The following PSKH2 variants were observed in gnomAD, a reference collection of about 807,000 sequenced individuals.
The protein encoded by PSKH2 is protein serine kinase H2.
PSKH2 carries 16 observed loss-of-function variants against 22.5 expected under a neutral mutation model. The observed-to-expected ratio is 0.71, with a 90% confidence interval of 0.48 to 1.08. The LOEUF (loss-of-function observed/expected upper bound fraction) is 1.08. Ranked by LOEUF, PSKH2 falls within the 50% of genes least tolerant of loss-of-function variation. PSKH2 has a pLI of 0.00. For synonymous variants in PSKH2, 188 were observed against 184.8 expected, an observed-to-expected ratio of 1.02 and a Z score of -0.14; for missense variants, 516 against 492.8, an observed-to-expected ratio of 1.05 and a Z score of -0.44.
At position 86,047,481 on chromosome 8, in the gene PSKH2, T is replaced by A. The variant is rs894793362; in HGVS notation, c.*981A>T. The stretch of plus-strand genomic sequence containing the variant: ...AAATGTCATTCTAACATTTTATTAT[T>A]TTTCTGAATAAAATAAGCAATATCA... On this transcript the variant is annotated 3_prime_UTR_variant, in exon 3 of 3. Transcript: ENST00000276616. 6.6e-6 allele frequency among the ~76,000 whole-genome samples: 1 copy of A among 152,160 alleles called. No homozygotes were observed. Among genetic ancestry groups the A allele is most frequent in the Non-Finnish European group, 1.5e-5 (1 of 67,988 alleles).
rs1392267441 is a variant in PSKH2, at chr8:86,049,771, AAAGAAAGAAAAAGAAAGGAAG to A, written c.853-1025_853-1005del. The stretch of plus-strand genomic sequence containing the variant: ...GAAACGAAAGAAAGAAAGAAAGAGA[AAAGAAAGAAAAAGAAAGGAAG>A]AAAGGAAGAGAGAAAGAGGAAGAAA... On this transcript the variant is annotated intron_variant, in intron 2 of 2. Transcript: ENST00000276616. Among the ~76,000 whole-genome samples, 102 of 130,070 alleles carry A rather than the reference AAAGAAAGAAAAAGAAAGGAAG, an allele frequency of 7.8e-4. 5 individuals carry two copies. The highest frequency in any genetic ancestry group is 8.3e-3 in the Middle Eastern group (2 of 242). The allele number at this position is 130,070 out of a possible 152,430, so 85.3% of individuals were successfully genotyped here.
At chr8:86,064,821 T>C (rs7844072) in intron 1 of PSKH2, among the ~76,000 whole-genome samples, 190 bp from the exon 2 acceptor site, 3 of 152,126 alleles carry the variant, frequency 2.0e-5, no homozygotes, top group South Asian at 2.1e-4. Flanking sequence ...GAAAACGATA[T>C]AAAGGTAATT....
At chr8:86,065,791 A>C (rs1485408583) in intron 1 of PSKH2, among the ~76,000 whole-genome samples, 11 of 152,034 alleles carry the variant, frequency 7.2e-5, no homozygotes, top group Non-Finnish European at 1.5e-4. Flanking sequence ...TGAGCAAAAA[A>C]CTGAGACCCC....
chr8:86,063,919 C>T (rs1352928412), intron 2 of PSKH2, 46 bp downstream of exon 2: 1 of 1,463,346 alleles, frequency 6.8e-7, no homozygotes, highest in Admixed American at 2.0e-5. Flanking sequence ...GGTGGAGAAG[C>T]CCCACTCTAA....
At chr8:86,053,525 C>G (rs1257046026) in intron 2 of PSKH2, among the ~76,000 whole-genome samples, 1 of 152,142 alleles carries the variant, frequency 6.6e-6, no homozygotes, top group African/African-American at 2.4e-5. Flanking sequence ...GGTGCCTCTT[C>G]AAGGAGACAA....
chr8:86,062,794 G>C (rs1817798745), intron 2 of PSKH2, among the ~76,000 whole-genome samples: 2 of 152,162 alleles, frequency 1.3e-5, no homozygotes, highest in South Asian at 4.1e-4. Context: ...GACAGTTCTA[G>C]ATTCATATTT....
chr8:86,069,455 G>T lies in PSKH2; in HGVS notation c.168C>A (p.Asp56Glu), dbSNP rs764702590. 3 of 1,593,636 alleles carry T rather than the reference G, an allele frequency of 1.9e-6. No homozygotes were observed. The highest frequency in any genetic ancestry group is 4.5e-5 in the East Asian group (2 of 44,298). ...IQVARFRAKFDPRVLARYDIK... is the reference protein window; with the variant it reads ...IQVARFRAKFEPRVLARYDIK... ...CGCTTTACCTGGCAAGGACCCGGGGGTCGAACTTGGCTCGGAAGCGAGCCA... is the reference window on the plus strand; with the variant it reads ...CGCTTTACCTGGCAAGGACCCGGGGTTCGAACTTGGCTCGGAAGCGAGCCA... Residue 56 changes from aspartate to glutamate, a missense_variant, in exon 1 of 3, where the codon GAC becomes GAA. By Grantham distance (45) the Asp-to-Glu change is conservative. Coordinates refer to ENST00000276616, the MANE Select transcript of PSKH2 (RefSeq NM_033126.3).
chr8:86,069,352 A>T, intron 1 of PSKH2, 86 bp downstream of exon 1: 2 of 1,301,342 alleles, frequency 1.5e-6, no homozygotes, highest in South Asian at 1.6e-5. Flanking sequence ...AATTGAGTCA[A>T]GCTGAAGGGA....
chr8:86,062,060 T>G lies in PSKH2; in HGVS notation c.852+1905A>C, dbSNP rs1197132452. Among the ~76,000 whole-genome samples the G allele has an allele frequency of 2.0e-5, 3 of 152,232 alleles. No homozygotes were observed. In the East Asian group the frequency reaches 5.8e-4, roughly 29 times the overall value. On this transcript the variant is annotated intron_variant, in intron 2 of 2. Transcript: ENST00000276616. Reference sequence around the variant, plus strand: ...TCACCATACCAGGAGAAAAGCCCAGTAAACATGCTATTATATTTCCTCCTA... The same window carrying G: ...TCACCATACCAGGAGAAAAGCCCAGGAAACATGCTATTATATTTCCTCCTA...
intron 1 of PSKH2, among the ~76,000 whole-genome samples, chr8:86,068,362 C>G (rs2130175406): frequency 6.6e-6 from 1 of 152,292 alleles, no homozygotes; most frequent in East Asian, 1.9e-4. Flanking sequence ...CCGTGATTTA[C>G]TTGGTCAAAA....
chr8:86,048,382 G>A lies in PSKH2; in HGVS notation c.*80C>T, dbSNP rs902670201. On this transcript the variant is annotated 3_prime_UTR_variant, in exon 3 of 3. Transcript: ENST00000276616. ...GTATCCAACAATACCATGGAGTCCC[G>A]TGTCTTTGGAGCTTGAGGGTGCCCT... 1.4e-4 allele frequency: 144 copies of A among 1,010,972 alleles called. No individual in the cohort carries two copies. The highest frequency in any genetic ancestry group is 5.2e-4 in the Middle Eastern group (2 of 3,848). The allele number at this position is 1,010,972 out of a possible 1,614,324, so 62.6% of individuals were successfully genotyped here. A position where few individuals can be genotyped will look rare whatever the true frequency, so the allele number is the denominator to read the frequency against.
At chr8:86,069,951 G>C (rs1369327321), upstream of PSKH2, among the ~76,000 whole-genome samples, 1 of 152,126 alleles carries the variant, frequency 6.6e-6, no homozygotes. Flanking sequence ...TTGTATAAAG[G>C]ATATCGTCCC....
intron 2 of PSKH2, among the ~76,000 whole-genome samples, chr8:86,059,638 A>G (rs962808310): frequency 6.6e-6 from 1 of 152,204 alleles, no homozygotes; most frequent in Non-Finnish European, 1.5e-5. Flanking sequence ...GGCCTCCAAG[A>G]TTATCCAGAA....
At position 86,069,516 on chromosome 8, in the gene PSKH2, GGCCCAGGCCCCGC is replaced by G; in HGVS notation, c.94_106del (p.Ala32ProfsTer45). On this transcript the variant is annotated frameshift_variant, in exon 1 of 3. Transcript: ENST00000276616. LOFTEE classifies it high-confidence loss of function. The stretch of plus-strand genomic sequence containing the variant: ...CTGCGCCGCCTGGGCCGCCGCCTCG[GGCCCAGGCCCCGC>G]GCCTCCGACGCCGGCTTGGTTTTGA... The G allele has an allele frequency of 6.2e-7, 1 of 1,608,872 alleles. No individual in the cohort carries two copies. Among genetic ancestry groups the G allele is most frequent in the African/African-American group, 1.3e-5 (1 of 74,936 alleles).
chr8:86,069,722 C>T, upstream of PSKH2: 1 of 1,343,082 alleles, frequency 7.4e-7, no homozygotes, highest in Non-Finnish European at 9.7e-7. Flanking sequence ...GGGGCGGGAC[C>T]CTCGGAAAGA....
chr8:86,060,673 C>A (rs1283717489), intron 2 of PSKH2, among the ~76,000 whole-genome samples: 1 of 152,122 alleles, frequency 6.6e-6, no homozygotes, highest in Admixed American at 6.5e-5. Flanking sequence ...CCTGCACTGA[C>A]TAAGACACTT....
chr8:86,050,721 T>G (rs1301687511), intron 2 of PSKH2, among the ~76,000 whole-genome samples: 1 of 152,194 alleles, frequency 6.6e-6, no homozygotes, highest in Non-Finnish European at 1.5e-5. Context: ...CCCATACGTT[T>G]GCTGTATCTC....
Position 86,064,180 on chromosome 8 carries a change from T to C in PSKH2, c.637A>G (p.Lys213Glu). 1 of 1,614,198 alleles carries C rather than the reference T, an allele frequency of 6.2e-7. No homozygotes were observed. Among genetic ancestry groups the C allele is most frequent in the Non-Finnish European group, 8.5e-7 (1 of 1,180,052 alleles). Residue 213 changes from lysine (K) to glutamate (E), a missense_variant, in exon 2 of 3, where the codon AAA becomes GAA. Lys to Glu is a moderately conservative substitution (Grantham distance 56). Transcript: ENST00000276616. The stretch of plus-strand genomic sequence containing the variant: ...GTCTTCATTGTCCAGTCACCACTTT[T>C]TTTCCCGGAGTATGCCAAACCAAAA... Reference protein sequence around the residue: ...TDFGLAYSGKKSGDWTMKTLC... With the variant: ...TDFGLAYSGKESGDWTMKTLC...
At chr8:86,062,332 A>G (rs929914066) in intron 2 of PSKH2, among the ~76,000 whole-genome samples, 1 of 152,232 alleles carries the variant, frequency 6.6e-6, no homozygotes. Flanking sequence ...GTACTCTTAC[A>G]GTGAAACCTT....
Sources: allele counts gnomAD v4.1 joint callset (sites outside exome capture counted in the v4.1 genomes callset), GRCh38; gene constraint gnomAD v4.1.1; transcripts MANE v1.5; gene names NCBI Gene and HGNC (gene_info 2026-07-23, HGNC 2026-07-21).